The following ADGRB1 variants were observed in gnomAD, a reference collection of about 807,000 sequenced individuals.
The protein encoded by ADGRB1 is adhesion G protein-coupled receptor B1, also known as brain-specific angiogenesis inhibitor 1.
Under a neutral mutation model 175.7 loss-of-function variants are expected in ADGRB1, and 36 were observed. The ratio of observed to expected loss-of-function variants is 0.20; its 90% CI spans 0.16 to 0.27. The LOEUF is 0.27. Ranked by LOEUF, ADGRB1 falls within the 10% of genes least tolerant of loss-of-function variation. The pLI, the probability that ADGRB1 is intolerant of heterozygous loss-of-function variation, is 1.00. For missense variants in ADGRB1, 1,731 were observed against 2,255.3 expected (o/e 0.77, Z 4.71); for synonymous variants, 1,054 against 979.4 (o/e 1.08, Z -1.42).
chr8:142,464,342 G>A lies in ADGRB1; in HGVS notation c.144G>A (p.Gln48=), dbSNP rs925415429. The A allele has an allele frequency of 1.3e-6, 2 of 1,511,912 alleles. No individual in the cohort carries two copies. Among genetic ancestry groups the A allele is most frequent in the African/African-American group, 1.4e-5 (1 of 69,508 alleles). 93.7% of individuals were successfully genotyped at this position (1,511,912 alleles called of 1,614,324 possible). ...PGPEPCATLV[Q]GKFFGYFSAA... ...CCGAGCCGTGCGCCACGCTGGTGCA[G>A]GGAAAGTTCTTCGGCTACTTCTCCG... Residue 48 remains glutamine (Q), a synonymous_variant, in exon 2 of 31, where the codon CAG becomes CAA. Transcript: ENST00000517894.
At chr8:142,497,899 C>T (rs1784839411) in intron 17 of ADGRB1, among the ~76,000 whole-genome samples, 1 of 152,178 alleles carries the variant, frequency 6.6e-6, no homozygotes, top group Non-Finnish European at 1.5e-5. Flanking sequence ...GTCACGGCTG[C>T]GGGCAAGCCC....
At chr8:142,454,906 G>A (rs529516260) in intron 1 of ADGRB1, among the ~76,000 whole-genome samples, 18 of 152,176 alleles carry the variant, frequency 1.2e-4, no homozygotes, top group Non-Finnish European at 1.3e-4. Flanking sequence ...CTGCTACCCC[G>A]TTACAGGCTC....
At chr8:142,461,713 G>A (rs1587249154) in intron 1 of ADGRB1, among the ~76,000 whole-genome samples, 1 of 152,156 alleles carries the variant, frequency 6.6e-6, no homozygotes, top group Non-Finnish European at 1.5e-5. Flanking sequence ...TGAGCTGTGC[G>A]GGTCCCTCTG....
intron 2 of ADGRB1, among the ~76,000 whole-genome samples, chr8:142,470,212 G>A (rs1840583115): frequency 6.6e-6 from 1 of 152,328 alleles, no homozygotes; most frequent in Non-Finnish European, 1.5e-5. Flanking sequence ...GCTCTCTCTG[G>A]CTCTCATCAC....
Position 142,518,174 on chromosome 8 carries a change from A to G in ADGRB1, c.2854A>G (p.Ile952Val). 6.2e-7 allele frequency: 1 copy of G among 1,613,790 alleles called. No individual in the cohort carries two copies. Among genetic ancestry groups the G allele is most frequent in the Non-Finnish European group, 8.5e-7 (1 of 1,179,796 alleles). ...EKATLPSVTLIVGCGVSSLTL... is the reference protein window; with the variant it reads ...EKATLPSVTLVVGCGVSSLTL... ...GGCGACTCTGCCGTCGGTGACGCTCATCGTGGGCTGTGGCGTGTCCTCTCT... is the reference window on the plus strand; with the variant it reads ...GGCGACTCTGCCGTCGGTGACGCTCGTCGTGGGCTGTGGCGTGTCCTCTCT... Residue 952 changes from isoleucine to valine, a missense_variant, in exon 19 of 31, where the codon ATC becomes GTC. Coordinates refer to ENST00000517894, the MANE Select transcript of ADGRB1 (RefSeq NM_001702.3).
chr8:142,521,157 C>T (rs1843822143), intron 20 of ADGRB1, among the ~76,000 whole-genome samples: 1 of 152,184 alleles, frequency 6.6e-6, no homozygotes, highest in Non-Finnish European at 1.5e-5. Context: ...AGTGTCTCTG[C>T]TGGACTTGCC....
At chr8:142,533,559 T>G in intron 25 of ADGRB1, 93 bp downstream of exon 25, 1 of 1,410,688 alleles carries the variant, frequency 7.1e-7, no homozygotes, top group Non-Finnish European at 9.5e-7. Flanking sequence ...GGCAGGGAGA[T>G]TGTGGGTAGG....
chr8:142,524,209 G>A (rs1336434250), intron 22 of ADGRB1, 29 bp from the exon 23 acceptor site: 1 of 1,590,250 alleles, frequency 6.3e-7, no homozygotes, highest in South Asian at 1.1e-5. Context: ...CTGCACACGG[G>A]CGGTGCTGAT....
At chr8:142,461,220 T>A (rs1334794148) in intron 1 of ADGRB1, among the ~76,000 whole-genome samples, 2 of 152,198 alleles carry the variant, frequency 1.3e-5, no homozygotes, top group Non-Finnish European at 2.9e-5. Context: ...AGGTGCCCAG[T>A]ACCGGCTGTG....
At chr8:142,490,577 G>A (rs912086218) in intron 16 of ADGRB1, among the ~76,000 whole-genome samples, 195 bp from the exon 17 acceptor site, 2 of 152,228 alleles carry the variant, frequency 1.3e-5, no homozygotes, top group African/African-American at 2.4e-5. Flanking sequence ...GGGGGCTTGT[G>A]CCAAGCCCAG....
chr8:142,481,072 A>T (rs1056510495), intron 9 of ADGRB1, among the ~76,000 whole-genome samples, 182 bp from the exon 10 acceptor site: 24 of 152,206 alleles, frequency 1.6e-4, no homozygotes, highest in South Asian at 2.1e-4. Flanking sequence ...TAGCAGCTGG[A>T]AATGTGTTGA....
At chr8:142,479,817 T>C in intron 9 of ADGRB1, 23 bp downstream of exon 9, 2 of 1,595,146 alleles carry the variant, frequency 1.3e-6, no homozygotes, top group Non-Finnish European at 1.7e-6. Flanking sequence ...GAGCACGTGG[T>C]GTATGGGGGC....
At chr8:142,540,649 G>A (rs190852690) in intron 27 of ADGRB1, among the ~76,000 whole-genome samples, 210 of 152,318 alleles carry the variant, frequency 1.4e-3, no homozygotes, top group Non-Finnish European at 2.5e-3. Context: ...CCAGGCGCTC[G>A]TTCTGCCTTG....
rs957883632 is a variant in ADGRB1 at position 142,543,839 on chromosome 8, C to T, written c.4557+131C>T. 1.0e-6 allele frequency: 1 copy of T among 982,182 alleles called. No homozygotes were observed. Among genetic ancestry groups the T allele is most frequent in the Non-Finnish European group, 1.5e-6 (1 of 647,982 alleles). The allele number at this position is 982,182 out of a possible 1,614,324, so 60.8% of individuals were successfully genotyped here. On this transcript the variant is annotated intron_variant, in intron 30 of 30. Coordinates refer to ENST00000517894, the MANE Select transcript of ADGRB1 (RefSeq NM_001702.3). The surrounding 1 kb of genome is among the most constrained non-coding windows in gnomAD (Gnocchi z 4.4). ...CCATTCGTTCATTCATTCATTCATTCGCCCATCCCTGAGGGCTGGCCTGAC... is the reference window on the plus strand; with the variant it reads ...CCATTCGTTCATTCATTCATTCATTTGCCCATCCCTGAGGGCTGGCCTGAC...
chr8:142,487,004 G>C (rs752300878), intron 13 of ADGRB1, among the ~76,000 whole-genome samples: 2 of 152,178 alleles, frequency 1.3e-5, no homozygotes, highest in South Asian at 4.1e-4. Context: ...TGAGCAATAG[G>C]CTGTCTCTTT....
At chr8:142,459,287 C>T (rs1839845215) in intron 1 of ADGRB1, among the ~76,000 whole-genome samples, 2 of 152,216 alleles carry the variant, frequency 1.3e-5, no homozygotes, top group African/African-American at 4.8e-5. Flanking sequence ...GGTCCAACCC[C>T]CGGGGCTCCC....
chr8:142,460,764 G>A (rs1167724179), intron 1 of ADGRB1, among the ~76,000 whole-genome samples: 3 of 152,172 alleles, frequency 2.0e-5, no homozygotes, highest in Admixed American at 6.5e-5. Flanking sequence ...GAAGTGGGCC[G>A]TGTGCACCTT....
chr8:142,458,664 C>G (rs990330720), intron 1 of ADGRB1, among the ~76,000 whole-genome samples: 2 of 152,136 alleles, frequency 1.3e-5, no homozygotes, highest in Non-Finnish European at 2.9e-5. Flanking sequence ...TGGCACCCCC[C>G]GCCCTCCCTG....
At chr8:142,541,306 A>C (rs1250094881) in intron 27 of ADGRB1, among the ~76,000 whole-genome samples, 1 of 152,134 alleles carries the variant, frequency 6.6e-6, no homozygotes, top group African/African-American at 2.4e-5. Context: ...CTCAGAGGTC[A>C]AGGCGGCTGG....
Sources: allele counts gnomAD v4.1 joint callset (sites outside exome capture counted in the v4.1 genomes callset), GRCh38; gene constraint gnomAD v4.1.1; non-coding constraint Gnocchi (gnomAD v3.1); transcripts MANE v1.5; gene names NCBI Gene and HGNC (gene_info 2026-07-23, HGNC 2026-07-21).